The following HEATR6 variants were observed in gnomAD, a reference collection of about 807,000 sequenced individuals.
HEATR6 encodes HEAT repeat-containing protein 6.
Under a neutral mutation model 132.8 loss-of-function variants are expected in HEATR6, and 106 were observed. The ratio of observed to expected loss-of-function variants is 0.80; its 90% CI spans 0.68 to 0.94. The LOEUF is 0.94. HEATR6 is among the 40% of genes least tolerant of loss of function. The pLI is 0.00. For missense variants in HEATR6, 1,339 were observed against 1,425.1 expected, an observed-to-expected ratio of 0.94 and a Z score of 0.97; for synonymous variants, 529 against 537.8, an observed-to-expected ratio of 0.98 and a Z score of 0.23.
chr17:60,043,983 G>C lies in HEATR6; in HGVS notation c.3126C>G (p.Ile1042Met). The change falls in exon 20 of 20, where the codon ATC becomes ATG. Residue 1042 changes from isoleucine (I) to methionine (M), a missense_variant. Coordinates refer to ENST00000184956, the MANE Select transcript of HEATR6 (RefSeq NM_022070.5). ...GTAAAGCGGTGACCAATGCATTCCA[G>C]ATCCGAGCATACTGGTCAACAGACC... is the stretch of plus-strand genomic sequence containing the variant. ...QYGSVDQYAR[I>M]WNALVTALQK... 1 of 1,614,072 alleles carries C rather than the reference G, an allele frequency of 6.2e-7. No individual in the cohort carries two copies. The highest frequency in any genetic ancestry group is 8.5e-7 in the Non-Finnish European group (1 of 1,180,030).
Position 60,078,832 on chromosome 17 carries a change from T to G in HEATR6, c.83A>C (p.Asn28Thr). ...CCTGGCAGACAAGAGGCGAAACCCATTGCCTCGCTCAGGGATTGCTTCCCG... is the reference window on the plus strand; with the variant it reads ...CCTGGCAGACAAGAGGCGAAACCCAGTGCCTCGCTCAGGGATTGCTTCCCG... Reference protein sequence around the residue: ...APREAIPERGNGFRLLSARLC... With the variant: ...APREAIPERGTGFRLLSARLC... Residue 28 changes from asparagine to threonine, a missense_variant, in exon 1 of 20, where the codon AAT (asparagine) becomes ACT (threonine). Asn to Thr is a moderately conservative substitution (Grantham distance 65). Coordinates refer to ENST00000184956, the MANE Select transcript of HEATR6 (RefSeq NM_022070.5). 1 of 1,606,268 alleles carries G rather than the reference T, an allele frequency of 6.2e-7. No individual in the cohort carries two copies. Among genetic ancestry groups the G allele is most frequent in the Non-Finnish European group, 8.5e-7 (1 of 1,177,510 alleles).
In HEATR6 at chr17:60,043,714, A is replaced by G; in HGVS notation, c.3395T>C (p.Val1132Ala). The change falls in exon 20 of 20, where the codon GTC (valine) becomes GCC (alanine). Residue 1132 changes from valine to alanine, a missense_variant. Transcript: ENST00000184956. ...PHSPQERDQM[V>A]RMALKHMGSI... The stretch of plus-strand genomic sequence containing the variant: ...GCCCATGTGTTTAAGGGCCATTCTG[A>G]CCATCTGGTCTCTTTCCTGTGGGCT... The G allele has an allele frequency of 6.2e-7, 1 of 1,614,132 alleles. No individual in the cohort carries two copies. The highest frequency in any genetic ancestry group is 8.5e-7 in the Non-Finnish European group (1 of 1,180,030).
At position 60,048,251 on chromosome 17, in the gene HEATR6, C is replaced by G; in HGVS notation, c.2672+13G>C. 2.5e-6 allele frequency: 4 copies of G among 1,607,678 alleles called. No homozygotes were observed. The highest frequency in any genetic ancestry group is 2.6e-6 in the Non-Finnish European group (3 of 1,175,680). The stretch of plus-strand genomic sequence containing the variant: ...TCAGAAGTCAGCTGGGGAAAGCAAG[C>G]TCAGTCACCTACATGTTGACAATCA... On this transcript the variant is annotated intron_variant, in intron 17 of 19. Transcript: ENST00000184956.
chr17:60,050,666 T>C (rs1906547995), intron 15 of HEATR6, among the ~76,000 whole-genome samples, 177 bp downstream of exon 15: 2 of 152,218 alleles, frequency 1.3e-5, no homozygotes, highest in South Asian at 2.1e-4. Context: ...TCCTGATATA[T>C]TAAGGCTTCA....
intron 18 of HEATR6, among the ~76,000 whole-genome samples, chr17:60,046,503 G>T (rs1906372270): frequency 6.6e-6 from 1 of 152,076 alleles, no homozygotes; most frequent in African/African-American, 2.4e-5. Flanking sequence ...GGAGTATAAG[G>T]ACCGGGAACA....
intron 5 of HEATR6, 53 bp downstream of exon 5, chr17:60,072,162 T>C: frequency 1.2e-6 from 1 of 838,078 alleles, no homozygotes; most frequent in Non-Finnish European, 1.8e-6. Flanking sequence ...ACTTTTCCAA[T>C]CTGCTTCTAG....
intron 19 of HEATR6, among the ~76,000 whole-genome samples, chr17:60,044,940 T>C (rs541062590): frequency 2.8e-4 from 42 of 152,340 alleles, no homozygotes; most frequent in African/African-American, 9.9e-4. Flanking sequence ...AGTTTCTAGC[T>C]CCCTTTTCTT....
At chr17:60,075,931 C>A in intron 2 of HEATR6, 199 bp downstream of exon 2, 1 of 363,620 alleles carries the variant, frequency 2.8e-6, no homozygotes, top group South Asian at 5.2e-5. Flanking sequence ...TTCTAATAAA[C>A]AAACTTCTAG....
chr17:60,047,448 C>T lies in HEATR6; in HGVS notation c.2673-43G>A, dbSNP rs751499030. 5.2e-6 allele frequency: 6 copies of T among 1,153,410 alleles called. No individual in the cohort carries two copies. In the Admixed American group the frequency reaches 1.1e-4, roughly 21 times the overall value. 71.4% of individuals were successfully genotyped at this position (1,153,410 alleles called of 1,614,324 possible). A position where few individuals can be genotyped will look rare whatever the true frequency, so the allele number is the denominator to read the frequency against. On this transcript the variant is annotated intron_variant, in intron 17 of 19. Transcript: ENST00000184956. ...GACAACACATGTTAAAAGGTAAATA[C>T]ACTTAAATATATACATATAGAAATA...
chr17:60,047,430 C>T, intron 17 of HEATR6, 25 bp from the exon 18 acceptor site: 1 of 1,454,992 alleles, frequency 6.9e-7, no homozygotes. Context: ...GCAGACAACA[C>T]ATGTTAAAAG....
At chr17:60,044,474 T>C (rs2145176955) in intron 19 of HEATR6, among the ~76,000 whole-genome samples, 1 of 152,264 alleles carries the variant, frequency 6.6e-6, no homozygotes, top group East Asian at 1.9e-4. Context: ...GGGCAGAGCG[T>C]GGACTGAACT....
intron 5 of HEATR6, 81 bp downstream of exon 5, chr17:60,072,134 A>C (rs757068172): frequency 1.7e-6 from 1 of 587,394 alleles, no homozygotes; most frequent in Non-Finnish European, 2.9e-6. Flanking sequence ...AATGGTGCAA[A>C]TTAAACTCGT....
At chr17:60,051,838 C>T (rs117510049) in intron 14 of HEATR6, among the ~76,000 whole-genome samples, 1,678 of 152,298 alleles carry the variant, frequency 0.011, 12 homozygotes, top group Middle Eastern at 0.02. Context: ...CTCCCTGCCC[C>T]ACTCCAGAAG....
intron 11 of HEATR6, among the ~76,000 whole-genome samples, chr17:60,059,039 A>G (rs552412242): frequency 3.3e-5 from 5 of 152,304 alleles, no homozygotes; most frequent in Admixed American, 6.5e-5. Context: ...CAAAAAGTAG[A>G]TAATATCTAT....
At chr17:60,076,380 G>A in intron 1 of HEATR6, 143 bp from the exon 2 acceptor site, 1 of 588,220 alleles carries the variant, frequency 1.7e-6, no homozygotes, top group South Asian at 2.1e-5. Flanking sequence ...AAAAAATGAA[G>A]TGATAGCACA....
chr17:60,070,703 T>C lies in HEATR6; in HGVS notation c.801+3A>G, dbSNP rs1205530592. ...ACAATGATCATATGAAGACTTGCCT[T>C]ACCTTTAGCACAGCTAAAAGTGCTC... On this transcript the variant is annotated splice_donor_region_variant and intron_variant, in intron 6 of 19. Transcript: ENST00000184956. 2 of 1,546,024 alleles carry C rather than the reference T, an allele frequency of 1.3e-6. No homozygotes were observed. The highest frequency in any genetic ancestry group is 2.2e-5 in the East Asian group (1 of 44,496).
chr17:60,059,250 G>A (rs888505677), intron 11 of HEATR6, among the ~76,000 whole-genome samples, 172 bp downstream of exon 11: 2 of 152,184 alleles, frequency 1.3e-5, no homozygotes, highest in Non-Finnish European at 2.9e-5. Context: ...GACTTGAGGG[G>A]TCAATTCTTG....
At chr17:60,058,103 T>C (rs1217599676) in intron 11 of HEATR6, among the ~76,000 whole-genome samples, 1 of 152,224 alleles carries the variant, frequency 6.6e-6, no homozygotes, top group African/African-American at 2.4e-5. Context: ...CCAGGTCTTT[T>C]GCATATCCAT....
chr17:60,067,414 A>G lies in HEATR6; in HGVS notation c.1238+20T>C. ...GCAACTTAGAATACAAGGTATAAAA[A>G]TGTAACAAAATACTACTACCTCATT... On this transcript the variant is annotated intron_variant, in intron 8 of 19. Transcript: ENST00000184956. The G allele has an allele frequency of 6.7e-7, 1 of 1,498,970 alleles. No individual in the cohort carries two copies. The highest frequency in any genetic ancestry group is 8.9e-7 in the Non-Finnish European group (1 of 1,123,994). The allele number at this position is 1,498,970 out of a possible 1,614,324, so 92.9% of individuals were successfully genotyped here.
Sources: gnomAD v4.1 joint callset for allele counts (sites outside exome capture counted in the v4.1 genomes callset) on GRCh38, gnomAD v4.1.1 for gene constraint, MANE v1.5 for transcripts, NCBI Gene and HGNC (gene_info 2026-07-23, HGNC 2026-07-21) for gene names.